CCDC102B: variants seen among roughly 807,000 people sequenced by gnomAD.
The protein encoded by CCDC102B is coiled-coil domain containing 102B.
Under a neutral mutation model 57.4 loss-of-function variants are expected in CCDC102B, and 75 were observed. That is an observed-to-expected ratio of 1.31 (90% CI 1.08 to 1.58). The LOEUF (loss-of-function observed/expected upper bound fraction) is 1.58. CCDC102B is among the 40% of genes most tolerant of loss of function. CCDC102B has a pLI of 0.00. For synonymous variants in CCDC102B, 206 were observed against 201.9 expected (o/e 1.02, Z -0.17); for missense variants, 636 against 582.6 (o/e 1.09, Z -0.94).
intron 6 of CCDC102B, among the ~76,000 whole-genome samples, chr18:68,935,667 A>C (rs114580744): frequency 0.024 from 3,708 of 151,986 alleles, 70 homozygotes; most frequent in African/African-American, 0.052. Flanking sequence ...ACACGAATTG[A>C]TAGAAAAGCA....
At position 68,804,215 on chromosome 18, in the gene CCDC102B, C is replaced by T. The variant is rs184754124; in HGVS notation, c.-16+6034C>T. Among the ~76,000 whole-genome samples the T allele has an allele frequency of 6.6e-3, 1,010 of 152,268 alleles. 8 individuals are homozygous for T. The highest frequency in any genetic ancestry group is 0.023 in the African/African-American group (964 of 41,548). On this transcript the variant is annotated intron_variant, in intron 1 of 7. Coordinates refer to ENST00000360242, the MANE Select transcript of CCDC102B (RefSeq NM_024781.3). Reference sequence around the variant, plus strand: ...ATCAAGGGTAACCCCTAAGTTTGGTCTGTAAACCTAGAAGAGTGAAATGTG... The same window carrying T: ...ATCAAGGGTAACCCCTAAGTTTGGTTTGTAAACCTAGAAGAGTGAAATGTG...
At chr18:68,791,898 C>T (rs1489645386) in intron 2 of CCDC102B, among the ~76,000 whole-genome samples, 1 of 152,082 alleles carries the variant, frequency 6.6e-6, no homozygotes, top group Non-Finnish European at 1.5e-5. Context: ...TGTATCTCAA[C>T]TGATAGAGTT....
intron 6 of CCDC102B, among the ~76,000 whole-genome samples, chr18:68,936,940 C>G (rs2049258650): frequency 6.6e-6 from 1 of 151,704 alleles, no homozygotes; most frequent in African/African-American, 2.4e-5. Context: ...CATAAAGACC[C>G]TACAGGAAAC....
chr18:68,911,155 A>G (rs2030661316), intron 6 of CCDC102B, among the ~76,000 whole-genome samples: 1 of 152,190 alleles, frequency 6.6e-6, no homozygotes, highest in African/African-American at 2.4e-5. Flanking sequence ...TTGCAGCACT[A>G]TTCCCAATAG....
chr18:68,988,453 C>T (rs2050779415), intron 6 of CCDC102B, among the ~76,000 whole-genome samples: 2 of 151,438 alleles, frequency 1.3e-5, no homozygotes, highest in African/African-American at 4.9e-5. Flanking sequence ...ATTCTCACTA[C>T]TTCGGTGGTG....
chr18:68,769,231 C>T (rs1319025641), intron 2 of CCDC102B, among the ~76,000 whole-genome samples: 1 of 139,502 alleles, frequency 7.2e-6, no homozygotes, highest in Non-Finnish European at 1.5e-5. Flanking sequence ...CTAGCCTGGG[C>T]AACAAGAGTG....
intron 4 of CCDC102B, among the ~76,000 whole-genome samples, chr18:68,868,616 T>C (rs2039105040): frequency 6.6e-6 from 1 of 152,206 alleles, no homozygotes; most frequent in South Asian, 2.1e-4. Flanking sequence ...TCCTCACCTT[T>C]CATAAGAATA....
intron 2 of CCDC102B, among the ~76,000 whole-genome samples, chr18:68,838,240 G>A (rs1290786748): frequency 6.6e-6 from 1 of 152,092 alleles, no homozygotes; most frequent in African/African-American, 2.4e-5. Flanking sequence ...AGCAATAAGG[G>A]GAACTAAAAT....
intron 5 of CCDC102B, among the ~76,000 whole-genome samples, chr18:68,881,604 C>T (rs938670718): frequency 2.6e-5 from 4 of 152,028 alleles, no homozygotes; most frequent in Non-Finnish European, 5.9e-5. Flanking sequence ...CTAAATAGAA[C>T]AAAAAGGCTG....
Position 68,899,678 on chromosome 18 carries a change from G to T in CCDC102B, c.1263+2250G>T, listed in dbSNP as rs538503954. ...CATAAAGCTACGTGCTACTCATCAA[G>T]AACCCCACATAAATTGTAAAAAATA... is the stretch of plus-strand genomic sequence containing the variant. On this transcript the variant is annotated intron_variant, in intron 6 of 7. Transcript: ENST00000360242. 3.9e-5 allele frequency: 6 copies of T among 152,088 alleles called. No homozygotes were observed. In the East Asian group the frequency reaches 1.2e-3, roughly 29 times the overall value. 9.4% of individuals were successfully genotyped at this position (152,088 alleles called of 1,614,324 possible).
chr18:68,829,447 T>C (rs1317876718), intron 1 of CCDC102B, among the ~76,000 whole-genome samples: 1 of 151,988 alleles, frequency 6.6e-6, no homozygotes, highest in Non-Finnish European at 1.5e-5. Flanking sequence ...GAATGTACTG[T>C]TGGGAAAATA....
chr18:68,897,579 A>T, intron 6 of CCDC102B, 151 bp downstream of exon 6: 1 of 1,579,190 alleles, frequency 6.3e-7, no homozygotes. Context: ...GCCCACTAGG[A>T]TGTAAAATAA....
At position 68,880,140 on chromosome 18, in the gene CCDC102B, C is replaced by T. The variant is rs189202328; in HGVS notation, c.1053+5355C>T. ...GGGCTGCAGGTCCCGAGCCCTGCCC[C>T]GCCCAAGGCAGCTAAGGCCCGGTGA... On this transcript the variant is annotated intron_variant, in intron 5 of 7. Coordinates refer to ENST00000360242, the MANE Select transcript of CCDC102B (RefSeq NM_024781.3). Among the ~76,000 whole-genome samples, 563 of 152,314 alleles carry T rather than the reference C, an allele frequency of 3.7e-3. 1 individual carries two copies. The highest frequency in any genetic ancestry group is 4.0e-3 in the African/African-American group (167 of 41,584).
intron 6 of CCDC102B, among the ~76,000 whole-genome samples, chr18:68,958,294 A>G (rs561735373): frequency 2.6e-5 from 4 of 152,328 alleles, no homozygotes; most frequent in East Asian, 1.9e-4. Context: ...AGGATGTTGA[A>G]TTATATCAAA....
At chr18:68,784,448 T>C (rs1428769712) in intron 2 of CCDC102B, among the ~76,000 whole-genome samples, 1 of 151,914 alleles carries the variant, frequency 6.6e-6, no homozygotes, top group African/African-American at 2.4e-5. Flanking sequence ...CCATCAAACC[T>C]CACCTCCAAC....
intron 2 of CCDC102B, among the ~76,000 whole-genome samples, chr18:68,726,136 C>T (rs958605215): frequency 3.3e-5 from 5 of 152,088 alleles, no homozygotes; most frequent in Admixed American, 6.5e-5. Context: ...AAAAGTATAC[C>T]ATGGGGATAT....
At chr18:69,033,126 T>A (rs554696576) in intron 7 of CCDC102B, among the ~76,000 whole-genome samples, 1 of 152,100 alleles carries the variant, frequency 6.6e-6, no homozygotes, top group South Asian at 2.1e-4. Flanking sequence ...TTATTTAAGA[T>A]GATATTCTTA....
intron 4 of CCDC102B, among the ~76,000 whole-genome samples, chr18:68,872,003 T>A (rs1191676717): frequency 1.3e-5 from 2 of 152,190 alleles, no homozygotes; most frequent in African/African-American, 4.8e-5. Context: ...TAACTGGATT[T>A]ACTATGTATT....
At chr18:69,039,899 T>C (rs565803500) in intron 7 of CCDC102B, among the ~76,000 whole-genome samples, 1 of 150,146 alleles carries the variant, frequency 6.7e-6, no homozygotes, top group Non-Finnish European at 1.5e-5. Context: ...TGTAATGTAA[T>C]AGTAAGGATT....
Sources: allele counts gnomAD v4.1 joint callset (sites outside exome capture counted in the v4.1 genomes callset), GRCh38; gene constraint gnomAD v4.1.1; transcripts MANE v1.5; gene names NCBI Gene and HGNC (gene_info 2026-07-23, HGNC 2026-07-21).